Variants in NBPF26 observed in about 807,000 individuals in gnomAD.
NBPF26 encodes the protein NBPF family member NBPF26.
A neutral mutation model predicts 119.6 loss-of-function variants in NBPF26; 79 were observed. That is an observed-to-expected ratio of 0.66 (90% CI 0.55 to 0.80). The LOEUF is 0.80. Ranked by LOEUF, NBPF26 falls within the 30% of genes least tolerant of loss-of-function variation. NBPF26 has a pLI of 0.00. For missense variants in NBPF26, 800 were observed against 1,198.2 expected, an observed-to-expected ratio of 0.67 and a Z score of 4.91; for synonymous variants, 299 against 457.7, an observed-to-expected ratio of 0.65 and a Z score of 4.43.
In NBPF26 at chr1:120,761,185, G is replaced by C. The variant is rs1651133429; in HGVS notation, c.74-2443G>C. Among the ~76,000 whole-genome samples, 2 of 125,726 alleles carry C rather than the reference G, an allele frequency of 1.6e-5. 1 individual carries two copies. The highest frequency in any genetic ancestry group is 7.1e-5 in the African/African-American group (2 of 28,192). The allele number at this position is 125,726 out of a possible 152,430, so 82.5% of individuals were successfully genotyped here. A position where few individuals can be genotyped will look rare whatever the true frequency, so the allele number is the denominator to read the frequency against. On this transcript the variant is annotated intron_variant, in intron 1 of 29. Transcript: ENST00000620612. The stretch of plus-strand genomic sequence containing the variant: ...GACTTTGGGTTGCTTGTATTTCTCT[G>C]AACCTGTCACTGTAATGATTTGTCA...
chr1:120,767,926 G>A lies in NBPF26; in HGVS notation c.155+4217G>A, dbSNP rs1191538134. Among the ~76,000 whole-genome samples, 6 of 118,062 alleles carry A rather than the reference G, an allele frequency of 5.1e-5. 2 individuals carry two copies. The highest frequency in any genetic ancestry group is 3.0e-4 in the African/African-American group (6 of 20,288). 77.5% of individuals were successfully genotyped at this position (118,062 alleles called of 152,430 possible). ...TCTGCTGGTTCTTAACAACTGGGTT[G>A]TCTATGGATGTGTTTCTATTTCTAT... On this transcript the variant is annotated intron_variant, in intron 2 of 29. Coordinates refer to ENST00000620612, the Ensembl canonical transcript of NBPF26.
chr1:120,750,457 C>G lies in NBPF26; in HGVS notation c.74-13171C>G, dbSNP rs1454356631. ...ATGGAAATCAGCTGAAAATCCCTGCCTATTAGAAGCTGAGATGTTAATCCT... is the reference window on the plus strand; with the variant it reads ...ATGGAAATCAGCTGAAAATCCCTGCGTATTAGAAGCTGAGATGTTAATCCT... On this transcript the variant is annotated intron_variant, in intron 1 of 29. Coordinates refer to ENST00000620612, the Ensembl canonical transcript of NBPF26. Among the ~76,000 whole-genome samples, 22 of 104,286 alleles carry G rather than the reference C, an allele frequency of 2.1e-4. 3 individuals carry two copies. The South Asian group carries it at 6.0e-3, about 29-fold the overall frequency. The allele number at this position is 104,286 out of a possible 152,430, so 68.4% of individuals were successfully genotyped here.
In NBPF26 at chr1:120,763,666, A is replaced by G. The variant is rs1210924460; in HGVS notation, c.112A>G (p.Lys38Glu). The G allele has an allele frequency of 6.2e-5, 88 of 1,416,892 alleles. 20 individuals carry two copies. Among genetic ancestry groups the G allele is most frequent in the East Asian group, 5.2e-4 (22 of 42,596 alleles). 87.8% of individuals were successfully genotyped at this position (1,416,892 alleles called of 1,614,324 possible). A position where few individuals can be genotyped will look rare whatever the true frequency, so the allele number is the denominator to read the frequency against. ...AGATGGCTATGAACCCTGTGTAAATAAAGGAATGTGTGTTACCTACCACAG... is the reference window on the plus strand; with the variant it reads ...AGATGGCTATGAACCCTGTGTAAATGAAGGAATGTGTGTTACCTACCACAG... Residue 38 changes from lysine to glutamate, a missense_variant, in exon 2 of 30, where the codon AAA (lysine) becomes GAA (glutamate). By Grantham distance (56) the Lys-to-Glu change is moderately conservative. Transcript: ENST00000620612.
At position 120,724,301 on chromosome 1, in the gene NBPF26, G is replaced by C; in HGVS notation, c.73+51G>C. 5.9e-6 allele frequency: 8 copies of C among 1,366,630 alleles called. 2 individuals carry two copies. Among genetic ancestry groups the C allele is most frequent in the Non-Finnish European group, 7.6e-6 (8 of 1,048,904 alleles). The allele number at this position is 1,366,630 out of a possible 1,614,324, so 84.7% of individuals were successfully genotyped here. ...TCCGCGGCGCCCGGGGCTGCCACCT[G>C]GGGCGACCCTTCTCCCCCTCAGTCC... On this transcript the variant is annotated intron_variant, in intron 1 of 29. Transcript: ENST00000620612.
At chr1:120,833,373 G>C (rs1264440762) in intron 23 of NBPF26, among the ~76,000 whole-genome samples, 10 of 62,374 alleles carry the variant, frequency 1.6e-4, no homozygotes, top group Admixed American at 1.5e-4. Context: ...CTTTCTCTCT[G>C]TCTCTGTCTC....
rs1177600530 is a variant in NBPF26, at chr1:120,795,920, ATGTGTGTGTG to A, written c.751+2444_751+2453del. On this transcript the variant is annotated intron_variant, in intron 4 of 29. Transcript: ENST00000620612. ...CAAATAGTACTTGTTACATATCAAT[ATGTGTGTGTG>A]TGTGTGTGTGTGTGTGTGTATATGC... is the stretch of plus-strand genomic sequence containing the variant. 3.1e-4 allele frequency among the ~76,000 whole-genome samples: 6 copies of A among 19,644 alleles called. 2 individuals carry two copies. In the East Asian group the frequency reaches 7.6e-3, roughly 25 times the overall value. The allele number at this position is 19,644 out of a possible 152,430, so 12.9% of individuals were successfully genotyped here.
intron 15 of NBPF26, among the ~76,000 whole-genome samples, chr1:120,818,682 A>C (rs1419631696): frequency 8.1e-6 from 1 of 123,774 alleles, no homozygotes; most frequent in Non-Finnish European, 1.6e-5. Flanking sequence ...GGTATGTTGT[A>C]TCTTTGTTCT....
intron 2 of NBPF26, among the ~76,000 whole-genome samples, chr1:120,780,032 C>A (rs1448490890): frequency 7.6e-6 from 1 of 131,234 alleles, no homozygotes; most frequent in Non-Finnish European, 1.6e-5. Flanking sequence ...TTCTACCAGG[C>A]AGATCACAGA....
chr1:120,745,258 A>C (rs1470249977), intron 1 of NBPF26, among the ~76,000 whole-genome samples: 2 of 106,492 alleles, frequency 1.9e-5, no homozygotes, highest in South Asian at 5.3e-4. Context: ...CATGAAACCA[A>C]TTTGGTAGGT....
Position 120,759,658 on chromosome 1 carries a change from G to C in NBPF26, c.74-3970G>C, listed in dbSNP as rs1458363450. 3.9e-5 allele frequency among the ~76,000 whole-genome samples: 4 copies of C among 101,888 alleles called. 1 individual carries two copies. Among genetic ancestry groups the C allele is most frequent in the African/African-American group, 2.6e-4 (4 of 15,102 alleles). 66.8% of individuals were successfully genotyped at this position (101,888 alleles called of 152,430 possible). ...GAAGATAATTATAGTATTCATTTTT[G>C]CTCCTGAGTAAAGCCACAAGTCTCA... On this transcript the variant is annotated intron_variant, in intron 1 of 29. Coordinates refer to ENST00000620612, the Ensembl canonical transcript of NBPF26.
downstream of NBPF26, among the ~76,000 whole-genome samples, chr1:120,841,884 T>C (rs1435704419): frequency 8.0e-5 from 2 of 24,850 alleles, no homozygotes; most frequent in Admixed American, 9.5e-4. Flanking sequence ...AAATATCCTG[T>C]ATTCTAATGA....
chr1:120,808,096 A>T (rs1651749494), intron 6 of NBPF26, among the ~76,000 whole-genome samples: 1 of 118,916 alleles, frequency 8.4e-6, no homozygotes, highest in Non-Finnish European at 1.7e-5. Flanking sequence ...CACTCAATCA[A>T]TGTTGCCTTC....
intron 4 of NBPF26, among the ~76,000 whole-genome samples, chr1:120,795,918 ATATGTG>A (rs1263532340): frequency 1.8e-4 from 3 of 17,134 alleles, no homozygotes; most frequent in East Asian, 2.4e-3. Context: ...TTACATATCA[ATATGTG>A]TGTGTGTGTG....
In NBPF26 at chr1:120,792,397, G is replaced by A. The variant is rs1304285172; in HGVS notation, c.416-764G>A. On this transcript the variant is annotated intron_variant, in intron 3 of 29. Coordinates refer to ENST00000620612, the Ensembl canonical transcript of NBPF26. ...GCAAACTTGGTGTATCTGTGTTTGCGCACATGTATGTATGTGAGGGGCACT... is the reference window on the plus strand; with the variant it reads ...GCAAACTTGGTGTATCTGTGTTTGCACACATGTATGTATGTGAGGGGCACT... Among the ~76,000 whole-genome samples the A allele has an allele frequency of 7.5e-4, 59 of 78,160 alleles. 7 individuals carry two copies. Among genetic ancestry groups the A allele is most frequent in the African/African-American group, 4.3e-3 (49 of 11,338 alleles). The allele number at this position is 78,160 out of a possible 152,430, so 51.3% of individuals were successfully genotyped here.
chr1:120,738,596 T>C, intron 1 of NBPF26, among the ~76,000 whole-genome samples: 1 of 109,980 alleles, frequency 9.1e-6, no homozygotes, highest in Non-Finnish European at 1.8e-5. Context: ...TTAGATAGTG[T>C]AATTTTGTAT....
In NBPF26 at chr1:120,728,211, G is replaced by GC. The variant is rs1411648426; in HGVS notation, c.73+3964dup. Among the ~76,000 whole-genome samples, 21 of 105,748 alleles carry GC rather than the reference G, an allele frequency of 2.0e-4. 4 individuals are homozygous for GC. The highest frequency in any genetic ancestry group is 3.2e-4 in the Non-Finnish European group (18 of 56,772). The allele number at this position is 105,748 out of a possible 152,430, so 69.4% of individuals were successfully genotyped here. On this transcript the variant is annotated intron_variant, in intron 1 of 29. Transcript: ENST00000620612. The stretch of plus-strand genomic sequence containing the variant: ...TTTTCATTTATGTGTTTATTCTAAT[G>GC]CCCATACCCTACCCCTGTACCTGGC...
chr1:120,793,428 C>A lies in NBPF26; in HGVS notation c.683C>A (p.Ser228Ter), dbSNP rs1651517010. 2 of 1,442,564 alleles carry A rather than the reference C, an allele frequency of 1.4e-6. 1 individual carries two copies. Among genetic ancestry groups the A allele is most frequent in the Non-Finnish European group, 1.9e-6 (2 of 1,079,602 alleles). The allele number at this position is 1,442,564 out of a possible 1,614,324, so 89.4% of individuals were successfully genotyped here. A position where few individuals can be genotyped will look rare whatever the true frequency, so the allele number is the denominator to read the frequency against. Residue 228 changes from serine to a stop codon, truncating the protein, a stop_gained, in exon 4 of 30, where the codon TCG becomes TAG. Transcript: ENST00000620612. LOFTEE classifies it high-confidence loss of function. ...AGACTGTATGTGCCCTGTGCACACT[C>A]GCCTTGTGTCAATGGAGGCACCTGT...
chr1:120,817,977 T>A, intron 14 of NBPF26, 146 bp from the exon 15 acceptor site: 1 of 504,532 alleles, frequency 2.0e-6, no homozygotes, highest in Non-Finnish European at 3.4e-6. Context: ...CCAAAGTTAA[T>A]CTAGGACAAC....
At chr1:120,823,935 TC>T (rs1652196260) in intron 17 of NBPF26, 38 bp from the exon 18 acceptor site, 1 of 527,262 alleles carries the variant, frequency 1.9e-6, no homozygotes. Context: ...GGTTTCTGAT[TC>T]CCCCTGGCTT....
Sources: allele counts gnomAD v4.1 joint callset (sites outside exome capture counted in the v4.1 genomes callset), GRCh38; gene constraint gnomAD v4.1.1; transcripts MANE v1.5; gene names NCBI Gene and HGNC (gene_info 2026-07-23, HGNC 2026-07-21).